Variants in BCAR1 observed in about 807,000 individuals in gnomAD.
BCAR1 encodes BCAR1 scaffold protein, Cas family member, also known as breast cancer anti-estrogen resistance protein 1.
BCAR1 carries 30 observed loss-of-function variants against 67.6 expected under a neutral mutation model. The ratio of observed to expected loss-of-function variants is 0.44; its 90% CI spans 0.33 to 0.60. BCAR1 has a LOEUF of 0.60. Among genes scored for constraint, BCAR1 ranks in the 20% least tolerant of loss-of-function variants. BCAR1 has a pLI of 0.02. For synonymous variants in BCAR1, 626 were observed against 556.7 expected (o/e 1.12, Z -1.75); for missense variants, 1,313 against 1,222.3 (o/e 1.07, Z -1.11).
intron 1 of BCAR1, chr16:75,266,635 C>T (rs1427846626): frequency 2.9e-6 from 3 of 1,051,120 alleles, no homozygotes. Context: ...CATGTTCGTC[C>T]CCATCGCTCC....
At chr16:75,231,105 T>G (rs540082086) in intron 6 of BCAR1, among the ~76,000 whole-genome samples, 3 of 151,990 alleles carry the variant, frequency 2.0e-5, no homozygotes, top group African/African-American at 7.2e-5. Context: ...AATCTTTTTT[T>G]TTTTTTTTTT....
Position 75,229,563 on chromosome 16 carries a change from C to T in BCAR1, c.2561G>A (p.Gly854Asp). The change falls in exon 7 of 7, where the codon GGC (glycine) becomes GAC (aspartate). Residue 854 changes from glycine to aspartate, a missense_variant. Gly to Asp is a moderately conservative substitution (Grantham distance 94). This residue lies in a region of BCAR1 where 1,272 missense variants were observed against 1,137.5 expected (regional missense o/e 1.12). Coordinates refer to ENST00000162330, the MANE Select transcript of BCAR1 (RefSeq NM_014567.5). Reference sequence around the variant, plus strand: ...GCGGCGGAACTGCTGGGTGCTGTGGCCCAGCTCCTTGACCCTCTCCACCAT... The same window carrying T: ...GCGGCGGAACTGCTGGGTGCTGTGGTCCAGCTCCTTGACCCTCTCCACCAT... The part of the protein sequence containing the change: ...QDMVERVKEL[G>D]HSTQQFRRVL... 2 of 1,607,286 alleles carry T rather than the reference C, an allele frequency of 1.2e-6. No homozygotes were observed. The highest frequency in any genetic ancestry group is 1.7e-6 in the Non-Finnish European group (2 of 1,177,836).
At position 75,251,512 on chromosome 16, in the gene BCAR1, T is replaced by C. The variant is rs150507109; in HGVS notation, c.-30A>G. ...TCCGGCGGGCCTGGGGCCCCGGCTCTCGCGGGGGCGCACACCGAGCTGCCC... is the reference window on the plus strand; with the variant it reads ...TCCGGCGGGCCTGGGGCCCCGGCTCCCGCGGGGGCGCACACCGAGCTGCCC... On this transcript the variant is annotated 5_prime_UTR_variant, in exon 1 of 7. Transcript: ENST00000162330. 0.028 allele frequency: 36,478 copies of C among 1,319,130 alleles called. 724 individuals carry two copies. The highest frequency in any genetic ancestry group is 0.1 in the Middle Eastern group (364 of 3,514). 81.7% of individuals were successfully genotyped at this position (1,319,130 alleles called of 1,614,324 possible). A position where few individuals can be genotyped will look rare whatever the true frequency, so the allele number is the denominator to read the frequency against.
Position 75,251,470 on chromosome 16 carries a change from C to G in BCAR1, c.12+1G>C. 6.9e-7 allele frequency: 1 copy of G among 1,443,318 alleles called. No homozygotes were observed. Among genetic ancestry groups the G allele is most frequent in the Non-Finnish European group, 9.1e-7 (1 of 1,097,228 alleles). 89.4% of individuals were successfully genotyped at this position (1,443,318 alleles called of 1,614,324 possible). On this transcript the variant is annotated splice_donor_variant, in intron 1 of 6. Transcript: ENST00000162330. LOFTEE classifies it high-confidence loss of function. ...GGCCCGGCCCCACCTGGCGCCCTCA[C>G]CAGGTGGTTCATGGTGTCCGGCGGG...
chr16:75,235,700 G>A lies in BCAR1; in HGVS notation c.1199C>T (p.Ala400Val). 6.2e-7 allele frequency: 1 copy of A among 1,611,328 alleles called. No individual in the cohort carries two copies. The highest frequency in any genetic ancestry group is 1.1e-5 in the South Asian group (1 of 90,714). Residue 400 changes from alanine (A) to valine (V), a missense_variant, in exon 5 of 7, where the codon GCT becomes GTT. Physicochemically the swap from Ala to Val is moderately conservative, Grantham distance 64. This residue lies in a region of BCAR1 where 1,272 missense variants were observed against 1,137.5 expected (regional missense o/e 1.12). Transcript: ENST00000162330. ...ACCACTGTCGACCACGCCACCATCA[G>A]CCACCTCAGGAGGAAGCACCCGTTC... Reference protein sequence around the residue: ...PRERVLPPEVADGGVVDSGVY... With the variant: ...PRERVLPPEVVDGGVVDSGVY...
chr16:75,235,266 G>C lies in BCAR1; in HGVS notation c.1633C>G (p.Leu545Val). 6.2e-7 allele frequency: 1 copy of C among 1,606,232 alleles called. No individual in the cohort carries two copies. ...RALHAKLSRQ[L>V]QKMEDVHQTL... ...TGGTGCACGTCCTCCATCTTCTGCA[G>C]CTGCCGGCTAAGCTTGGCATGCAGG... The change falls in exon 5 of 7, where the codon CTG becomes GTG. Residue 545 changes from leucine (L) to valine (V), a missense_variant. Physicochemically the swap from Leu to Val is conservative, Grantham distance 32. Coordinates refer to ENST00000162330, the MANE Select transcript of BCAR1 (RefSeq NM_014567.5).
Position 75,236,050 on chromosome 16 carries a change from C to G in BCAR1, c.913-64G>C, listed in dbSNP as rs567805139. ...ATCTGCCCACCCCAGGGACTGGGGG[C>G]AGCACCCAGCCACACACACACACAC... On this transcript the variant is annotated intron_variant, in intron 4 of 6. Transcript: ENST00000162330. The G allele has an allele frequency of 5.3e-6, 8 of 1,500,182 alleles. No homozygotes were observed. The South Asian group carries it at 1.0e-4, about 20-fold the overall frequency. 92.9% of individuals were successfully genotyped at this position (1,500,182 alleles called of 1,614,324 possible). A position where few individuals can be genotyped will look rare whatever the true frequency, so the allele number is the denominator to read the frequency against.
chr16:75,238,067 C>T lies in BCAR1; in HGVS notation c.634-723G>A, dbSNP rs550842390. 3.3e-5 allele frequency: 43 copies of T among 1,289,068 alleles called. No homozygotes were observed. In the South Asian group the frequency reaches 5.1e-4, roughly 15 times the overall value. The allele number at this position is 1,289,068 out of a possible 1,614,324, so 79.9% of individuals were successfully genotyped here. ...TGGGGGAAGTGGGTCCAGGGCCAGC[C>T]CTCCCCTCCCCAGGTGCTCTTACCA... On this transcript the variant is annotated intron_variant, in intron 2 of 6. Coordinates refer to ENST00000162330, the MANE Select transcript of BCAR1 (RefSeq NM_014567.5).
chr16:75,251,764 G>A, upstream of BCAR1: 1 of 784,770 alleles, frequency 1.3e-6, no homozygotes, highest in Non-Finnish European at 1.5e-6. Flanking sequence ...ACAGAAGCCC[G>A]CCCAGTAGGG....
In BCAR1 at chr16:75,233,769, C is replaced by T. The variant is rs1376948803; in HGVS notation, c.2100+77G>A. 5.2e-5 allele frequency: 74 copies of T among 1,430,252 alleles called. 1 individual carries two copies. The East Asian group carries it at 6.2e-4, about 12-fold the overall frequency. 88.6% of individuals were successfully genotyped at this position (1,430,252 alleles called of 1,614,324 possible). ...ACATGAGAAGCTGGGGACCCGGGGT[C>T]GGCCCTGCAGGGCAAGAGCTGGGGG... On this transcript the variant is annotated intron_variant, in intron 6 of 6. Coordinates refer to ENST00000162330, the MANE Select transcript of BCAR1 (RefSeq NM_014567.5).
upstream of BCAR1, among the ~76,000 whole-genome samples, chr16:75,252,783 A>G (rs1225832641): frequency 6.6e-6 from 1 of 152,202 alleles, no homozygotes. Flanking sequence ...TCTGACCCCC[A>G]GGGCTCAGCC....
intron 2 of BCAR1, among the ~76,000 whole-genome samples, chr16:75,241,744 A>G (rs1352882532): frequency 6.6e-6 from 1 of 152,156 alleles, no homozygotes; most frequent in Non-Finnish European, 1.5e-5. Flanking sequence ...GCTGGCACCA[A>G]TGAGGTCTCC....
In BCAR1 at chr16:75,228,686, C is replaced by T. The variant is rs2151381556; in HGVS notation, c.*825G>A. On this transcript the variant is annotated 3_prime_UTR_variant, in exon 7 of 7. Transcript: ENST00000162330. Reference sequence around the variant, plus strand: ...TTCCTGCCCCAATCTGCCCTCACTCCAGATGCCAGCTGTGGGCATGGGCAG... The same window carrying T: ...TTCCTGCCCCAATCTGCCCTCACTCTAGATGCCAGCTGTGGGCATGGGCAG... The T allele has an allele frequency of 6.6e-6, 1 of 152,512 alleles. No individual in the cohort carries two copies. The highest frequency in any genetic ancestry group is 2.1e-4 in the South Asian group (1 of 4,836). 9.4% of individuals were successfully genotyped at this position (152,512 alleles called of 1,614,324 possible). A position where few individuals can be genotyped will look rare whatever the true frequency, so the allele number is the denominator to read the frequency against.
At chr16:75,243,587 C>T in intron 1 of BCAR1, 4 of 438,612 alleles carry the variant, frequency 9.1e-6, no homozygotes, top group South Asian at 6.5e-5. Flanking sequence ...TACCCCAAAT[C>T]CAAAAAGTCA....
upstream of BCAR1, among the ~76,000 whole-genome samples, chr16:75,253,915 T>A (rs1342019001): frequency 6.6e-6 from 1 of 151,564 alleles, no homozygotes; most frequent in Non-Finnish European, 1.5e-5. Flanking sequence ...CCTATGCCCA[T>A]GCATTTATTT....
At chr16:75,234,758 AG>A (rs1415973369) in intron 5 of BCAR1, 130 bp downstream of exon 5, 19 of 1,356,750 alleles carry the variant, frequency 1.4e-5, no homozygotes, top group Non-Finnish European at 1.8e-5. Context: ...ATGTGGGGTG[AG>A]GGAGGTCAAA....
intron 1 of BCAR1, chr16:75,264,501 G>T (rs1399423851): frequency 9.0e-6 from 13 of 1,437,736 alleles, no homozygotes; most frequent in Non-Finnish European, 2.7e-6. Flanking sequence ...TGGCAGGCAT[G>T]TTCTGTCTTC....
intron 2 of BCAR1, among the ~76,000 whole-genome samples, chr16:75,240,936 T>TG (rs1178376382): frequency 1.3e-5 from 2 of 152,184 alleles, no homozygotes; most frequent in African/African-American, 2.4e-5. Flanking sequence ...GGGCTCTGTC[T>TG]GGGGGTCTCG....
chr16:75,255,564 C>T (rs1167622364), upstream of BCAR1, among the ~76,000 whole-genome samples: 11 of 152,048 alleles, frequency 7.2e-5, no homozygotes, highest in South Asian at 2.1e-4. Context: ...GCCGTGGTGG[C>T]GGGCACCTGT....
Sources: gnomAD v4.1 joint callset for allele counts (sites outside exome capture counted in the v4.1 genomes callset) on GRCh38, gnomAD v4.1.1 for gene constraint, gnomAD v4.1.1 regional missense constraint, MANE v1.5 for transcripts, NCBI Gene and HGNC (gene_info 2026-07-23, HGNC 2026-07-21) for gene names.